RAP1GAP2: variants seen among roughly 807,000 people sequenced by gnomAD.
RAP1GAP2 encodes rap1 GTPase-activating protein 2.
A neutral mutation model predicts 95.0 loss-of-function variants in RAP1GAP2; 27 were observed. That is an observed-to-expected ratio of 0.28 (90% confidence interval 0.21 to 0.39). The LOEUF (loss-of-function observed/expected upper bound fraction) is 0.39, where lower values mean the gene tolerates loss of function less well. Among genes scored for constraint, RAP1GAP2 ranks in the 10% least tolerant of loss-of-function variants. RAP1GAP2 has a pLI of 1.00. For missense variants in RAP1GAP2, 771 were observed against 970.0 expected (o/e 0.79, Z 2.72); for synonymous variants, 373 against 380.9 (o/e 0.98, Z 0.24).
intron 13 of RAP1GAP2, among the ~76,000 whole-genome samples, chr17:2,995,887 A>C (rs1165516140): frequency 1.3e-5 from 2 of 152,304 alleles, no homozygotes; most frequent in East Asian, 3.9e-4. Flanking sequence ...TGGGGGCCTG[A>C]AGCCGCCTGT....
chr17:2,823,854 C>T (rs987279975), intron 2 of RAP1GAP2, among the ~76,000 whole-genome samples: 112 of 151,980 alleles, frequency 7.4e-4, no homozygotes, highest in African/African-American at 2.5e-3. Context: ...CCGGGCACGG[C>T]GGCTCACACC....
chr17:3,030,587 C>T (rs1385150231), intron 22 of RAP1GAP2, among the ~76,000 whole-genome samples: 1 of 152,074 alleles, frequency 6.6e-6, no homozygotes, highest in Non-Finnish European at 1.5e-5. Context: ...CACATGGATA[C>T]AATAGACGTA....
intron 2 of RAP1GAP2, among the ~76,000 whole-genome samples, chr17:2,895,645 C>T (rs531210967): frequency 7.2e-5 from 11 of 151,856 alleles, no homozygotes; most frequent in East Asian, 2.0e-4. Context: ...GGCGCGATCT[C>T]GGCTTACTGC....
rs1474586782 is a variant in RAP1GAP2 at position 2,886,161 on chromosome 17, G to GTGTA, written c.81-19122_81-19121insGTAT. On this transcript the variant is annotated intron_variant, in intron 2 of 24. Coordinates refer to ENST00000254695, the MANE Select transcript of RAP1GAP2 (RefSeq NM_015085.5). The stretch of plus-strand genomic sequence containing the variant: ...TGTGTGTGTGTGTGTGTGTGTGTGT[G>GTGTA]TATATATATATTTTTTTTTTTTTTT... 8.5e-4 allele frequency among the ~76,000 whole-genome samples: 106 copies of GTGTA among 124,666 alleles called. 1 individual carries two copies. The highest frequency in any genetic ancestry group is 2.5e-3 in the South Asian group (10 of 3,938). 81.8% of individuals were successfully genotyped at this position (124,666 alleles called of 152,430 possible). A position where few individuals can be genotyped will look rare whatever the true frequency, so the allele number is the denominator to read the frequency against.
Position 2,919,180 on chromosome 17 carries a change from G to A in RAP1GAP2, c.165+13812G>A, listed in dbSNP as rs531902824. On this transcript the variant is annotated intron_variant, in intron 3 of 24. Transcript: ENST00000254695. Reference sequence around the variant, plus strand: ...CTCCAAACCCTGCCTGATAAATGTGGATGCCCTTGAGGGTCTTGGAAAAAG... The same window carrying A: ...CTCCAAACCCTGCCTGATAAATGTGAATGCCCTTGAGGGTCTTGGAAAAAG... 3.5e-4 allele frequency among the ~76,000 whole-genome samples: 54 copies of A among 152,298 alleles called. 1 individual carries two copies. The highest frequency in any genetic ancestry group is 3.4e-3 in the Middle Eastern group (1 of 294).
At chr17:3,007,920 G>C in intron 16 of RAP1GAP2, 91 bp from the exon 17 acceptor site, 1 of 1,460,128 alleles carries the variant, frequency 6.8e-7, no homozygotes, top group Non-Finnish European at 9.3e-7. Context: ...CAGAATGTCA[G>C]CCTCCAGGCC....
In RAP1GAP2 at chr17:3,004,334, G is replaced by A. The variant is rs1039703229; in HGVS notation, c.1201-1035G>A. On this transcript the variant is annotated intron_variant, in intron 14 of 24. Coordinates refer to ENST00000254695, the MANE Select transcript of RAP1GAP2 (RefSeq NM_015085.5). The surrounding 1 kb of genome is among the most constrained non-coding windows in gnomAD (Gnocchi z 4.1). ...CTCTCTCCCGCTCCGTTTCCCCTCC[G>A]GACTCTGGCAGGGCCTTTCCTTGGC... 4.6e-5 allele frequency among the ~76,000 whole-genome samples: 7 copies of A among 152,358 alleles called. No homozygotes were observed. The highest frequency in any genetic ancestry group is 3.4e-3 in the Middle Eastern group (1 of 294).
At chr17:3,011,713 G>A (rs373186116) in intron 17 of RAP1GAP2, among the ~76,000 whole-genome samples, 170 of 142,420 alleles carry the variant, frequency 1.2e-3, no homozygotes, top group African/African-American at 3.5e-3. Flanking sequence ...TCTGCCTCCC[G>A]GGCTCAAGCG....
At chr17:2,988,127 T>C (rs1040621021) in intron 11 of RAP1GAP2, among the ~76,000 whole-genome samples, 1 of 152,068 alleles carries the variant, frequency 6.6e-6, no homozygotes, top group Non-Finnish European at 1.5e-5. Flanking sequence ...GGAGAATCAC[T>C]TGAACCTGGG....
chr17:2,890,467 C>A (rs80007480), intron 2 of RAP1GAP2, among the ~76,000 whole-genome samples: 2,162 of 152,008 alleles, frequency 0.014, 45 homozygotes, highest in African/African-American at 0.049. Context: ...GCTGGAAGGC[C>A]GGTTGGCTCT....
At chr17:2,874,933 C>T (rs1241286813) in intron 2 of RAP1GAP2, among the ~76,000 whole-genome samples, 1 of 152,112 alleles carries the variant, frequency 6.6e-6, no homozygotes, top group African/African-American at 2.4e-5. Context: ...TCATGACTGT[C>T]GACCTAGAGA....
At position 3,036,356 on chromosome 17, in the gene RAP1GAP2, C is replaced by G. The variant is rs1464711287; in HGVS notation, c.*2995C>G. On this transcript the variant is annotated 3_prime_UTR_variant, in exon 25 of 25. Coordinates refer to ENST00000254695, the MANE Select transcript of RAP1GAP2 (RefSeq NM_015085.5). ...GATTAGAACCCTCAACCCAGGGTCCCTTCCTCTGCAGCGCCTACATGGTTG... is the reference window on the plus strand; with the variant it reads ...GATTAGAACCCTCAACCCAGGGTCCGTTCCTCTGCAGCGCCTACATGGTTG... 6.6e-6 allele frequency: 1 copy of G among 152,246 alleles called. No individual in the cohort carries two copies. The highest frequency in any genetic ancestry group is 2.4e-5 in the African/African-American group (1 of 41,448). The allele number at this position is 152,246 out of a possible 1,614,324, so 9.4% of individuals were successfully genotyped here.
intron 1 of RAP1GAP2, among the ~76,000 whole-genome samples, chr17:2,756,187 A>G (rs1332339733): frequency 2.0e-5 from 3 of 152,186 alleles, no homozygotes; most frequent in Admixed American, 2.0e-4. Context: ...GGGCCCCGAG[A>G]AGGCACCACC....
chr17:2,897,972 G>A (rs2041895974), intron 2 of RAP1GAP2, among the ~76,000 whole-genome samples: 1 of 151,038 alleles, frequency 6.6e-6, no homozygotes, highest in Non-Finnish European at 1.5e-5. Context: ...CCAGGCTGGA[G>A]TGCAGTGGCA....
intron 3 of RAP1GAP2, among the ~76,000 whole-genome samples, chr17:2,919,331 G>A (rs144603513): frequency 6.6e-6 from 1 of 152,338 alleles, no homozygotes; most frequent in Non-Finnish European, 1.5e-5. Context: ...GTGGCAGAAA[G>A]AACCTGCAGG....
intron 4 of RAP1GAP2, among the ~76,000 whole-genome samples, chr17:2,958,529 T>C (rs1172662845): frequency 2.6e-5 from 4 of 152,012 alleles, no homozygotes; most frequent in Non-Finnish European, 5.9e-5. Context: ...GGCTCAGAGA[T>C]TGACAGGCGT....
intron 2 of RAP1GAP2, among the ~76,000 whole-genome samples, chr17:2,882,922 C>T (rs112508344): frequency 0.014 from 2,204 of 152,332 alleles, 43 homozygotes; most frequent in African/African-American, 0.05. Flanking sequence ...CAGATACTCG[C>T]GGAATGAATG....
At chr17:2,967,623 G>A (rs996659558) in intron 8 of RAP1GAP2, among the ~76,000 whole-genome samples, 2 of 152,152 alleles carry the variant, frequency 1.3e-5, no homozygotes, top group African/African-American at 4.8e-5. Context: ...GTAGGGTGGT[G>A]ACGAGAAGCC....
intron 3 of RAP1GAP2, among the ~76,000 whole-genome samples, chr17:2,946,254 C>T (rs1388105369): frequency 1.3e-5 from 2 of 152,062 alleles, no homozygotes; most frequent in Non-Finnish European, 2.9e-5. Context: ...TCTGTGGTTC[C>T]TTTGTGTCAC....
Sources: gnomAD v4.1 joint callset for allele counts (sites outside exome capture counted in the v4.1 genomes callset) on GRCh38, gnomAD v4.1.1 for gene constraint, Gnocchi (gnomAD v3.1) non-coding constraint, MANE v1.5 for transcripts, NCBI Gene and HGNC (gene_info 2026-07-23, HGNC 2026-07-21) for gene names.